Variants in ADAMTS3 observed in about 807,000 individuals in gnomAD.
The protein encoded by ADAMTS3 is ADAM metallopeptidase with thrombospondin type 1 motif 3.
ADAMTS3 carries 73 observed loss-of-function variants against 129.0 expected under a neutral mutation model. That is an observed-to-expected ratio of 0.57 (90% CI 0.47 to 0.69). The LOEUF (loss-of-function observed/expected upper bound fraction) is 0.69, where lower values mean the gene tolerates loss of function less well. Ranked by LOEUF, ADAMTS3 falls within the 30% of genes least tolerant of loss-of-function variation. The pLI is 0.00. For synonymous variants in ADAMTS3, 477 were observed against 510.8 expected (o/e 0.93, Z 0.89); for missense variants, 1,457 against 1,514.5 (o/e 0.96, Z 0.63).
chr4:72,407,726 C>G (rs1332591905), intron 4 of ADAMTS3, among the ~76,000 whole-genome samples: 1 of 151,994 alleles, frequency 6.6e-6, no homozygotes, highest in African/African-American at 2.4e-5. Context: ...TATCTCAGGT[C>G]AAAAGCACTG....
chr4:72,417,567 A>G lies in ADAMTS3; in HGVS notation c.505-2596T>C, dbSNP rs116192258. Among the ~76,000 whole-genome samples the G allele has an allele frequency of 5.4e-3, 816 of 152,248 alleles. 11 individuals carry two copies. Among genetic ancestry groups the G allele is most frequent in the African/African-American group, 0.019 (778 of 41,544 alleles). On this transcript the variant is annotated intron_variant, in intron 3 of 21. Coordinates refer to ENST00000286657, the MANE Select transcript of ADAMTS3 (RefSeq NM_014243.3). The stretch of plus-strand genomic sequence containing the variant: ...AGAGTTGGATCAAGTGACATCCATT[A>G]ACTCCATGGACCCAAAATCTGAAAG...
intron 3 of ADAMTS3, among the ~76,000 whole-genome samples, chr4:72,543,886 T>C (rs1721397362): frequency 1.3e-5 from 2 of 152,116 alleles, no homozygotes; most frequent in African/African-American, 4.8e-5. Context: ...TATGTGTATT[T>C]TATCACAAAA....
intron 3 of ADAMTS3, among the ~76,000 whole-genome samples, chr4:72,522,217 TC>T (rs1158592932): frequency 6.6e-6 from 1 of 152,166 alleles, no homozygotes; most frequent in African/African-American, 2.4e-5. Flanking sequence ...AAACCTTTCC[TC>T]CCACCATTGA....
chr4:72,437,480 T>G (rs1472114056), intron 3 of ADAMTS3, among the ~76,000 whole-genome samples: 1 of 151,744 alleles, frequency 6.6e-6, no homozygotes, highest in Non-Finnish European at 1.5e-5. Flanking sequence ...TGGATCTGTA[T>G]CCTCCTTAGT....
chr4:72,392,606 C>T (rs1046392822), intron 4 of ADAMTS3, among the ~76,000 whole-genome samples: 2 of 152,054 alleles, frequency 1.3e-5, no homozygotes, highest in Non-Finnish European at 2.9e-5. Flanking sequence ...TCTTCAAGAA[C>T]AGTTCTTTTT....
chr4:72,503,828 T>C (rs987549429), intron 3 of ADAMTS3, among the ~76,000 whole-genome samples: 6 of 152,220 alleles, frequency 3.9e-5, no homozygotes, highest in Non-Finnish European at 7.3e-5. Context: ...CTTGTTGAAT[T>C]TAACCCTTTA....
chr4:72,542,164 GT>G (rs1721348284), intron 3 of ADAMTS3, among the ~76,000 whole-genome samples: 1 of 83,660 alleles, frequency 1.2e-5, no homozygotes, highest in Non-Finnish European at 2.4e-5. Flanking sequence ...ATCATTATTT[GT>G]TTTGTTTTCT....
chr4:72,530,431 T>C (rs1347741733), intron 3 of ADAMTS3, among the ~76,000 whole-genome samples: 38 of 85,134 alleles, frequency 4.5e-4, no homozygotes, highest in Non-Finnish European at 5.8e-4. Context: ...ATTAAATTAA[T>C]ATATGTTAAT....
intron 3 of ADAMTS3, among the ~76,000 whole-genome samples, chr4:72,506,371 T>C (rs994999624): frequency 6.6e-6 from 1 of 152,288 alleles, no homozygotes; most frequent in Non-Finnish European, 1.5e-5. Context: ...GCAGGTCTCA[T>C]CATTCAGAAG....
At chr4:72,377,701 A>G (rs1721168228) in intron 4 of ADAMTS3, among the ~76,000 whole-genome samples, 1 of 152,176 alleles carries the variant, frequency 6.6e-6, no homozygotes, top group Admixed American at 6.5e-5. Context: ...GCTTAGGTCT[A>G]CAGCCTTGAT....
rs554672549 is a variant in ADAMTS3, at chr4:72,520,321, G to T, written c.504+28157C>A. ...ACCCACTTGAGGAGGCAGTCTGCTT[G>T]TTCTCAGATCTCCAGCTGCATGCTG... On this transcript the variant is annotated intron_variant, in intron 3 of 21. Coordinates refer to ENST00000286657, the MANE Select transcript of ADAMTS3 (RefSeq NM_014243.3). 3.5e-3 allele frequency among the ~76,000 whole-genome samples: 529 copies of T among 152,292 alleles called. 5 individuals are homozygous for T. Among genetic ancestry groups the T allele is most frequent in the African/African-American group, 0.012 (513 of 41,574 alleles).
intron 4 of ADAMTS3, among the ~76,000 whole-genome samples, chr4:72,383,361 T>C (rs74681596): frequency 0.019 from 2,964 of 152,316 alleles, 73 homozygotes; most frequent in African/African-American, 0.068. Context: ...TTTCTGATTG[T>C]ATGGCTTTTC....
At chr4:72,543,593 C>T (rs1247253048) in intron 3 of ADAMTS3, among the ~76,000 whole-genome samples, 2 of 152,084 alleles carry the variant, frequency 1.3e-5, no homozygotes, top group East Asian at 3.9e-4. Flanking sequence ...GGACGTTATA[C>T]TAAATGCAAT....
intron 4 of ADAMTS3, among the ~76,000 whole-genome samples, chr4:72,409,932 C>T (rs73827091): frequency 6.6e-6 from 1 of 152,082 alleles, no homozygotes; most frequent in African/African-American, 2.4e-5. Flanking sequence ...TAAGATGATG[C>T]AGGTGTAAAA....
intron 3 of ADAMTS3, among the ~76,000 whole-genome samples, chr4:72,538,495 C>T (rs1294585751): frequency 6.8e-6 from 1 of 147,582 alleles, no homozygotes; most frequent in African/African-American, 2.5e-5. Flanking sequence ...TTCAGAATAA[C>T]AAGAGAAAAA....
chr4:72,568,751 C>T lies in ADAMTS3; in HGVS notation c.12G>A (p.Leu4=). 1 of 1,613,384 alleles carries T rather than the reference C, an allele frequency of 6.2e-7. No homozygotes were observed. Among genetic ancestry groups the T allele is most frequent in the Non-Finnish European group, 8.5e-7 (1 of 1,179,906 alleles). ...GAGCGGCTGCTATCAACCAAAGTGA[C>T]AGGAGAACCATCACGAGTCGAGTTC... MVL[L]SLWLIAAALV... is the part of the protein sequence containing the mutation. The change falls in exon 1 of 22, where the codon CTG becomes CTA. Residue 4 remains leucine, a synonymous_variant. Transcript: ENST00000286657.
intron 3 of ADAMTS3, among the ~76,000 whole-genome samples, chr4:72,546,211 T>C (rs1372529756): frequency 2.0e-5 from 3 of 152,076 alleles, no homozygotes; most frequent in African/African-American, 7.2e-5. Flanking sequence ...CTATCAGATA[T>C]TTTAGAAGAG....
intron 3 of ADAMTS3, among the ~76,000 whole-genome samples, chr4:72,492,164 A>T (rs1216650790): frequency 1.3e-5 from 2 of 151,502 alleles, no homozygotes; most frequent in African/African-American, 4.8e-5. Context: ...TCTTTTTCTT[A>T]GACTAAGGGT....
intron 3 of ADAMTS3, among the ~76,000 whole-genome samples, chr4:72,540,597 C>A (rs979603656): frequency 6.6e-6 from 1 of 152,204 alleles, no homozygotes; most frequent in African/African-American, 2.4e-5. Context: ...TACCATCACA[C>A]ACCCGGAGGT....
Sources: allele counts gnomAD v4.1 joint callset (sites outside exome capture counted in the v4.1 genomes callset), GRCh38; gene constraint gnomAD v4.1.1; transcripts MANE v1.5; gene names NCBI Gene and HGNC (gene_info 2026-07-23, HGNC 2026-07-21).